Variants in ACAT1 observed in about 807,000 individuals in gnomAD.
The protein encoded by ACAT1 is acetyl-CoA acetyltransferase, mitochondrial.
ACAT1 carries 28 observed loss-of-function variants against 47.3 expected under a neutral mutation model. The observed-to-expected ratio is 0.59, with a 90% CI of 0.44 to 0.81. The LOEUF (loss-of-function observed/expected upper bound fraction) is 0.81, where lower values mean the gene tolerates loss of function less well. Among genes scored for constraint, ACAT1 ranks in the 30% least tolerant of loss-of-function variants. The probability of loss-of-function intolerance (pLI) is 0.00; values close to 1 mark genes in which losing one functional copy is unlikely to be tolerated. For synonymous variants in ACAT1, 181 were observed against 173.6 expected, an observed-to-expected ratio of 1.04 and a Z score of -0.34; for missense variants, 469 against 524.3, an observed-to-expected ratio of 0.89 and a Z score of 1.03.
Position 108,126,954 on chromosome 11 carries a change from T to C in ACAT1, c.73-4953T>C, listed in dbSNP as rs1002217691. ...ATTACAGGCGCGTGCCACCATGCCC[T>C]GTTATTTTTTTATTTTATTTTATTT... On this transcript the variant is annotated intron_variant, in intron 1 of 11. Coordinates refer to ENST00000265838, the MANE Select transcript of ACAT1 (RefSeq NM_000019.4). 2.6e-5 allele frequency among the ~76,000 whole-genome samples: 4 copies of C among 151,418 alleles called. No homozygotes were observed. The South Asian group carries it at 8.3e-4, about 32-fold the overall frequency.
Position 108,141,744 on chromosome 11 carries a change from T to C in ACAT1, c.826+44T>C, listed in dbSNP as rs759170267. 4 of 1,321,018 alleles carry C rather than the reference T, an allele frequency of 3.0e-6. No homozygotes were observed. In the South Asian group the frequency reaches 4.7e-5, roughly 16 times the overall value. The allele number at this position is 1,321,018 out of a possible 1,614,324, so 81.8% of individuals were successfully genotyped here. The stretch of plus-strand genomic sequence containing the variant: ...AGCATAAGAAAAAATTGAGCCAGTA[T>C]ACCATATCTAGTTCTTAGAATTGCC... On this transcript the variant is annotated intron_variant, in intron 8 of 11. Transcript: ENST00000265838.
chr11:108,121,532 G>A, upstream of ACAT1: 2 of 1,480,064 alleles, frequency 1.4e-6, no homozygotes, highest in Non-Finnish European at 1.8e-6. Context: ...CCCGCGCCGG[G>A]CCGCTAGGGG....
intron 1 of ACAT1, among the ~76,000 whole-genome samples, chr11:108,124,893 CATTT>C (rs2077220696): frequency 6.6e-6 from 1 of 152,196 alleles, no homozygotes. Context: ...CTTTAACATT[CATTT>C]CTCAGCTCCA....
At chr11:108,130,488 G>C (rs1565286312) in intron 1 of ACAT1, among the ~76,000 whole-genome samples, 1 of 151,920 alleles carries the variant, frequency 6.6e-6, no homozygotes, top group Non-Finnish European at 1.5e-5. Context: ...CTGCCTCCCA[G>C]GTTCAAGTGA....
In ACAT1 at chr11:108,142,538, G is replaced by T. The variant is rs762624520; in HGVS notation, c.928G>T (p.Ala310Ser). The T allele has an allele frequency of 6.2e-7, 1 of 1,614,004 alleles. No individual in the cohort carries two copies. The highest frequency in any genetic ancestry group is 2.2e-5 in the East Asian group (1 of 44,874). Residue 310 changes from alanine to serine, a missense_variant, in exon 9 of 12, where the codon GCA becomes TCA. Ala to Ser is a moderately conservative substitution (Grantham distance 99, BLOSUM62 1). Transcript: ENST00000265838. ...GAAGAGGCTCAATGTTACACCACTG[G>T]CAAGAATAGTAGGTAAGGCCAGGCG... is the stretch of plus-strand genomic sequence containing the variant. Reference protein sequence around the residue: ...AAKRLNVTPLARIVAFADAAV... With the variant: ...AAKRLNVTPLSRIVAFADAAV...
chr11:108,143,736 A>T, intron 9 of ACAT1: 1 of 372,178 alleles, frequency 2.7e-6, no homozygotes, highest in Non-Finnish European at 4.9e-6. Context: ...ACAACCAAAA[A>T]CATCTCTAGG....
At chr11:108,124,295 C>G (rs1283422794) in intron 1 of ACAT1, among the ~76,000 whole-genome samples, 1 of 152,078 alleles carries the variant, frequency 6.6e-6, no homozygotes, top group African/African-American at 2.4e-5. Context: ...TCAAGTTTCG[C>G]TCTTGTTGCC....
chr11:108,128,412 G>A (rs1360450863), intron 1 of ACAT1, among the ~76,000 whole-genome samples: 1 of 152,214 alleles, frequency 6.6e-6, no homozygotes, highest in African/African-American at 2.4e-5. Context: ...CCAACGTGGT[G>A]AAACCCTGTC....
intron 5 of ACAT1, chr11:108,136,203 C>A: frequency 1.9e-6 from 1 of 517,788 alleles, no homozygotes; most frequent in South Asian, 3.0e-5. Flanking sequence ...TTCAGTGTGT[C>A]TGAGACAGCC....
upstream of ACAT1, among the ~76,000 whole-genome samples, chr11:108,119,649 C>G (rs940681307): frequency 1.5e-4 from 23 of 151,972 alleles, no homozygotes; most frequent in African/African-American, 5.6e-4. Context: ...GTTTCTCTCT[C>G]TCTCTCTCTC....
chr11:108,147,354 A>T lies in ACAT1; in HGVS notation c.1248A>T (p.Gly416=). The T allele has an allele frequency of 6.2e-7, 1 of 1,613,902 alleles. No homozygotes were observed. The highest frequency in any genetic ancestry group is 8.5e-7 in the Non-Finnish European group (1 of 1,179,882). The part of the protein sequence containing the change: ...EYGLASICNG[G]GGASAMLIQK... ...GTCTTGCCAGTATTTGCAATGGAGG[A>T]GGAGGTGCTTCTGCCATGCTAATTC... Residue 416 remains glycine (G), a synonymous_variant, in exon 12 of 12, where the codon GGA becomes GGT. Coordinates refer to ENST00000265838, the MANE Select transcript of ACAT1 (RefSeq NM_000019.4).
intron 1 of ACAT1, among the ~76,000 whole-genome samples, chr11:108,124,955 C>T (rs776259339): frequency 9.9e-5 from 15 of 152,092 alleles, no homozygotes; most frequent in Non-Finnish European, 1.6e-4. Flanking sequence ...TAAAGTAGGC[C>T]GTCAGTTACT....
At chr11:108,145,321 T>G (rs1362262403) in intron 10 of ACAT1, among the ~76,000 whole-genome samples, 1 of 152,204 alleles carries the variant, frequency 6.6e-6, no homozygotes, top group Non-Finnish European at 1.5e-5. Flanking sequence ...AAGCAGAAAC[T>G]GCAGGGGATG....
upstream of ACAT1, among the ~76,000 whole-genome samples, chr11:108,118,452 G>GC: frequency 6.6e-6 from 1 of 151,548 alleles, no homozygotes; most frequent in East Asian, 1.9e-4. Flanking sequence ...TTGGCTCACT[G>GC]CAAGCTCCGC....
Position 108,121,621 on chromosome 11 carries a change from G to C in ACAT1, c.15G>C (p.Ala5=), listed in dbSNP as rs886047594. 6.4e-7 allele frequency: 1 copy of C among 1,550,930 alleles called. No individual in the cohort carries two copies. Among genetic ancestry groups the C allele is most frequent in the South Asian group, 1.2e-5 (1 of 84,112 alleles). Residue 5 remains alanine, a synonymous_variant, in exon 1 of 12, where the codon GCG becomes GCC. Transcript: ENST00000265838. MAVL[A]ALLRSGARSR... is the part of the protein sequence containing the mutation. ...CCTCTGCGACCATGGCTGTGCTGGC[G>C]GCACTTCTGCGCAGCGGCGCCCGCA...
chr11:108,127,548 G>T (rs547462003), intron 1 of ACAT1, among the ~76,000 whole-genome samples: 183 of 152,228 alleles, frequency 1.2e-3, no homozygotes, highest in Non-Finnish European at 1.7e-3. Flanking sequence ...GATTACAGGC[G>T]TGAGCCACTG....
At chr11:108,137,850 G>C (rs1353249803) in intron 5 of ACAT1, among the ~76,000 whole-genome samples, 1 of 152,096 alleles carries the variant, frequency 6.6e-6, no homozygotes, top group Non-Finnish European at 1.5e-5. Context: ...GGGAGGCTGA[G>C]GTGGGAGGAT....
At chr11:108,137,528 G>T (rs2077490707) in intron 5 of ACAT1, among the ~76,000 whole-genome samples, 1 of 152,174 alleles carries the variant, frequency 6.6e-6, no homozygotes. Context: ...CAGCTGTCCA[G>T]GAAGAGATGA....
At chr11:108,143,080 A>C (rs968264754) in intron 9 of ACAT1, 6 of 156,718 alleles carry the variant, frequency 3.8e-5, no homozygotes, top group Admixed American at 2.5e-4. Flanking sequence ...TGGGAGGATA[A>C]GGCAGGATTG....
Sources: gnomAD v4.1 joint callset for allele counts (sites outside exome capture counted in the v4.1 genomes callset) on GRCh38, gnomAD v4.1.1 for gene constraint, MANE v1.5 for transcripts, NCBI Gene and HGNC (gene_info 2026-07-23, HGNC 2026-07-21) for gene names.